The following DNAAF9 variants were observed in gnomAD, a reference collection of about 807,000 sequenced individuals.
DNAAF9 encodes shulin.
A neutral mutation model predicts 167.0 loss-of-function variants in DNAAF9; 90 were observed. The observed-to-expected ratio is 0.54, with a 90% CI of 0.45 to 0.64. DNAAF9 has a LOEUF of 0.64. Among genes scored for constraint, DNAAF9 ranks in the 30% least tolerant of loss-of-function variants. The probability of loss-of-function intolerance (pLI) is 0.00; values close to 1 mark genes in which losing one functional copy is unlikely to be tolerated. For synonymous variants in DNAAF9, 491 were observed against 508.8 expected (o/e 0.96, Z 0.47); for missense variants, 1,315 against 1,442.2 (o/e 0.91, Z 1.43).
chr20:3,308,341 CTTTTT>C (rs35610785), intron 20 of DNAAF9, among the ~76,000 whole-genome samples: 1 of 105,434 alleles, frequency 9.5e-6, no homozygotes. Context: ...CAAAACTTTA[CTTTTT>C]TTTTTTTTTT....
intron 3 of DNAAF9, among the ~76,000 whole-genome samples, chr20:3,378,362 G>C (rs1316087328): frequency 6.6e-6 from 1 of 152,212 alleles, no homozygotes; most frequent in Non-Finnish European, 1.5e-5. Flanking sequence ...TTGTACGCAG[G>C]AAAGACTGGG....
At chr20:3,303,616 C>A (rs1001072453) in intron 21 of DNAAF9, among the ~76,000 whole-genome samples, 10 of 152,202 alleles carry the variant, frequency 6.6e-5, no homozygotes, top group African/African-American at 2.4e-4. Context: ...TTTAAGGCTG[C>A]AGGCTCTATA....
chr20:3,309,776 T>G (rs961519289), intron 20 of DNAAF9, among the ~76,000 whole-genome samples: 11 of 152,220 alleles, frequency 7.2e-5, no homozygotes, highest in East Asian at 5.8e-4. Context: ...TTATCCTGAT[T>G]ACATTAAAAC....
At chr20:3,304,298 T>C in intron 21 of DNAAF9, 142 bp downstream of exon 21, 1 of 668,640 alleles carries the variant, frequency 1.5e-6, no homozygotes, top group Non-Finnish European at 2.7e-6. Context: ...ACGACCTCCC[T>C]CCCTGCCTGC....
intron 1 of DNAAF9, among the ~76,000 whole-genome samples, chr20:3,403,591 C>G (rs1213792913): frequency 6.7e-6 from 1 of 150,200 alleles, no homozygotes; most frequent in Non-Finnish European, 1.5e-5. Context: ...TTGCAAGTGT[C>G]ACTTCTCTTT....
intron 8 of DNAAF9, among the ~76,000 whole-genome samples, chr20:3,347,274 A>G (rs1438452813): frequency 1.3e-5 from 2 of 152,236 alleles, no homozygotes; most frequent in African/African-American, 4.8e-5. Flanking sequence ...AAAATTGTCA[A>G]TCTAGAATCT....
intron 16 of DNAAF9, among the ~76,000 whole-genome samples, chr20:3,319,082 CAAAAAAAAAA>C (rs71195834): frequency 2.8e-5 from 2 of 71,136 alleles, no homozygotes; most frequent in East Asian, 5.1e-4. Flanking sequence ...GACTCTGTCT[CAAAAAAAAAA>C]AAAAAAAAAA....
chr20:3,256,927 G>A (rs2068291420), intron 33 of DNAAF9, among the ~76,000 whole-genome samples: 1 of 152,180 alleles, frequency 6.6e-6, no homozygotes, highest in African/African-American at 2.4e-5. Flanking sequence ...AGTTACTTGG[G>A]AGGCTGGGGT....
At position 3,340,675 on chromosome 20, in the gene DNAAF9, G is replaced by A. The variant is rs527751144; in HGVS notation, c.846-36C>T. 1.9e-5 allele frequency: 30 copies of A among 1,611,244 alleles called. No individual in the cohort carries two copies. The South Asian group carries it at 3.3e-4, about 18-fold the overall frequency. ...AAGTCAAAAACATGTGATTAGAAAA[G>A]AGTTCCTGGCCAAGGCAACCTTCCA... is the stretch of plus-strand genomic sequence containing the variant. On this transcript the variant is annotated intron_variant, in intron 9 of 36. Coordinates refer to ENST00000252032, the MANE Select transcript of DNAAF9 (RefSeq NM_001009984.3).
At chr20:3,282,781 T>A (rs987474835) in intron 27 of DNAAF9, among the ~76,000 whole-genome samples, 1 of 152,180 alleles carries the variant, frequency 6.6e-6, no homozygotes, top group African/African-American at 2.4e-5. Context: ...CCTGGAATGT[T>A]CTTTTCCTCA....
chr20:3,326,139 T>A, intron 13 of DNAAF9, 58 bp downstream of exon 13: 1 of 1,253,196 alleles, frequency 8.0e-7, no homozygotes, highest in South Asian at 1.2e-5. Flanking sequence ...AACACATGGA[T>A]AGAATGTTTT....
intron 21 of DNAAF9, 76 bp downstream of exon 21, chr20:3,304,364 G>T (rs1164539958): frequency 1.3e-6 from 1 of 768,766 alleles, no homozygotes. Context: ...AGGGGAGAAA[G>T]GAGTTATTTA....
chr20:3,318,340 C>G lies in DNAAF9; in HGVS notation c.1417G>C (p.Val473Leu). 10 of 1,605,786 alleles carry G rather than the reference C, an allele frequency of 6.2e-6. No individual in the cohort carries two copies. Among genetic ancestry groups the G allele is most frequent in the Non-Finnish European group, 8.5e-6 (10 of 1,173,106 alleles). The change falls in exon 17 of 37, where the codon GTG (valine) becomes CTG (leucine). Residue 473 changes from valine to leucine, a missense_variant. Around this residue, in one of 2 missense-constraint regions of DNAAF9, gnomAD observed 981 missense variants for 1,012.5 expected, o/e 0.97. Transcript: ENST00000252032. Reference sequence around the variant, plus strand: ...GTCAAAAATGATTCAGAGAAAACCACAGATCCTAAACAACCATTGCCTCCC... The same window carrying G: ...GTCAAAAATGATTCAGAGAAAACCAGAGATCCTAAACAACCATTGCCTCCC... ...LLGGNGCLGS[V>L]VFSESFLTSQ... is the part of the protein sequence containing the mutation.
At chr20:3,296,399 A>C in intron 23 of DNAAF9, 1 of 325,060 alleles carries the variant, frequency 3.1e-6, no homozygotes, top group South Asian at 2.6e-5. Flanking sequence ...TTTTTTTGAG[A>C]AAGGGTCTTG....
intron 27 of DNAAF9, among the ~76,000 whole-genome samples, chr20:3,285,026 C>A (rs553211925): frequency 6.6e-6 from 1 of 152,272 alleles, no homozygotes; most frequent in South Asian, 2.1e-4. Context: ...GCCCTCCACT[C>A]CCATTCTGAC....
At chr20:3,364,623 T>G (rs974782188) in intron 6 of DNAAF9, among the ~76,000 whole-genome samples, 1 of 152,234 alleles carries the variant, frequency 6.6e-6, no homozygotes, top group Non-Finnish European at 1.5e-5. Flanking sequence ...TATTTTGGTT[T>G]CCTAGTACAT....
intron 31 of DNAAF9, among the ~76,000 whole-genome samples, chr20:3,262,726 G>A (rs1001962500): frequency 6.6e-6 from 1 of 152,158 alleles, no homozygotes; most frequent in African/African-American, 2.4e-5. Context: ...GGTTCAGGCA[G>A]CAAGAGAGTC....
intron 25 of DNAAF9, 56 bp from the exon 26 acceptor site, chr20:3,290,273 A>G: frequency 9.0e-7 from 1 of 1,107,272 alleles, no homozygotes; most frequent in Non-Finnish European, 1.4e-6. Context: ...TTATGTAAGA[A>G]GAGGTTAAGA....
intron 29 of DNAAF9, among the ~76,000 whole-genome samples, chr20:3,272,509 G>A (rs578159206): frequency 6.6e-6 from 1 of 152,246 alleles, no homozygotes; most frequent in Non-Finnish European, 1.5e-5. Flanking sequence ...GATTACGGGC[G>A]TGAGCCACGG....
Sources: allele counts gnomAD v4.1 joint callset (sites outside exome capture counted in the v4.1 genomes callset), GRCh38; gene constraint gnomAD v4.1.1; regional missense constraint gnomAD v4.1.1; transcripts MANE v1.5; gene names NCBI Gene and HGNC (gene_info 2026-07-23, HGNC 2026-07-21).